The following EEFSEC variants were observed in gnomAD, a reference collection of about 807,000 sequenced individuals.
EEFSEC encodes the protein selenocysteine-specific elongation factor.
Under a neutral mutation model 42.1 loss-of-function variants are expected in EEFSEC, and 43 were observed. The observed-to-expected ratio is 1.02, with a 90% confidence interval of 0.80 to 1.32. The LOEUF (loss-of-function observed/expected upper bound fraction) is 1.32. Ranked by LOEUF, EEFSEC falls within the 40% of genes most tolerant of loss-of-function variation. EEFSEC has a pLI of 0.00. For synonymous variants in EEFSEC, 354 were observed against 339.1 expected (o/e 1.04, Z -0.48); for missense variants, 745 against 803.6 (o/e 0.93, Z 0.88).
intron 4 of EEFSEC, among the ~76,000 whole-genome samples, chr3:128,330,688 G>A (rs1461378813): frequency 6.6e-6 from 1 of 152,026 alleles, no homozygotes; most frequent in Non-Finnish European, 1.5e-5. Context: ...CTGACGCTTG[G>A]GAATCCGAGC....
chr3:128,367,543 G>T, intron 6 of EEFSEC: 1 of 736,672 alleles, frequency 1.4e-6, no homozygotes, highest in Non-Finnish European at 1.7e-6. Flanking sequence ...CTGCTGTGTG[G>T]ACTCCTGTGC....
chr3:128,180,554 C>T (rs1318390303), intron 1 of EEFSEC, among the ~76,000 whole-genome samples: 1 of 152,184 alleles, frequency 6.6e-6, no homozygotes, highest in Non-Finnish European at 1.5e-5. Flanking sequence ...AATGTAAGAC[C>T]TTAAAGAGTT....
intron 1 of EEFSEC, among the ~76,000 whole-genome samples, chr3:128,234,901 C>G (rs1004813919): frequency 1.1e-4 from 16 of 152,310 alleles, no homozygotes; most frequent in Middle Eastern, 3.4e-3. Flanking sequence ...TTATACTTCT[C>G]TTAACATTGT....
At chr3:128,419,617 G>C in the EEFSEC span, among the ~76,000 whole-genome samples, 20 of 152,320 alleles carry the variant, frequency 1.3e-4, no homozygotes, top group African/African-American at 3.8e-4. Flanking sequence ...ATTTTGTTCA[G>C]AGACTGTATC....
chr3:128,316,887 C>G (rs1026655328), intron 4 of EEFSEC, among the ~76,000 whole-genome samples: 2 of 152,164 alleles, frequency 1.3e-5, no homozygotes, highest in Non-Finnish European at 2.9e-5. Flanking sequence ...TAATCCCAGC[C>G]CCGACCTTCC....
rs953793427 is a variant in EEFSEC, at chr3:128,154,720, A to G, written c.316+897A>G. 6.6e-5 allele frequency among the ~76,000 whole-genome samples: 10 copies of G among 152,300 alleles called. 1 individual carries two copies. The highest frequency in any genetic ancestry group is 5.9e-4 in the Admixed American group (9 of 15,304). On this transcript the variant is annotated intron_variant, in intron 1 of 6. Transcript: ENST00000254730. ...CGCCCTGGCCTCCCAAAGTCCTGGGATTACAGGCGTGAGCCACCACGTCCG... is the reference window on the plus strand; with the variant it reads ...CGCCCTGGCCTCCCAAAGTCCTGGGGTTACAGGCGTGAGCCACCACGTCCG...
intron 1 of EEFSEC, among the ~76,000 whole-genome samples, chr3:128,201,564 A>C (rs1193721368): frequency 1.3e-5 from 2 of 152,194 alleles, no homozygotes; most frequent in Non-Finnish European, 2.9e-5. Context: ...TAGATTTTAA[A>C]AAATTATTTT....
At chr3:128,261,891 C>A (rs529322610) in intron 2 of EEFSEC, among the ~76,000 whole-genome samples, 22 of 152,076 alleles carry the variant, frequency 1.4e-4, no homozygotes, top group Non-Finnish European at 2.9e-4. Context: ...TCTAAGAGAG[C>A]CCTTTAAAAT....
chr3:128,320,667 AC>A (rs1168821653), intron 4 of EEFSEC, among the ~76,000 whole-genome samples: 2 of 152,236 alleles, frequency 1.3e-5, no homozygotes, highest in Admixed American at 1.3e-4. Context: ...CTGGCAGCGT[AC>A]CAGGCCCCCT....
the EEFSEC span, among the ~76,000 whole-genome samples, chr3:128,426,080 G>A: frequency 6.6e-6 from 1 of 152,184 alleles, no homozygotes; most frequent in Non-Finnish European, 1.5e-5. Context: ...ACGCAGGAGG[G>A]GCTACTGTCG....
chr3:128,387,472 T>A (rs2067854773), intron 6 of EEFSEC, among the ~76,000 whole-genome samples: 1 of 151,828 alleles, frequency 6.6e-6, no homozygotes, highest in Non-Finnish European at 1.5e-5. Context: ...ATCTGGGAAG[T>A]CTGGGGGGCG....
chr3:128,377,416 G>A (rs2067722725), intron 6 of EEFSEC, among the ~76,000 whole-genome samples: 1 of 152,196 alleles, frequency 6.6e-6, no homozygotes, highest in Admixed American at 6.5e-5. Context: ...AGGCCTCGCT[G>A]AGTCTTAGTT....
At chr3:128,383,711 C>G (rs891222271) in intron 6 of EEFSEC, among the ~76,000 whole-genome samples, 2 of 152,240 alleles carry the variant, frequency 1.3e-5, no homozygotes, top group African/African-American at 4.8e-5. Context: ...TCGTGCCAGG[C>G]CCTGAGTCAG....
In EEFSEC at chr3:128,177,551, C is replaced by T. The variant is rs1034754492; in HGVS notation, c.316+23728C>T. ...TTTTAAAAAGGTCTTGCTGACTTTT[C>T]GTTTCCCCAGATTTGTAGGTCTCTG... is the stretch of plus-strand genomic sequence containing the variant. On this transcript the variant is annotated intron_variant, in intron 1 of 6. Transcript: ENST00000254730. Among the ~76,000 whole-genome samples the T allele has an allele frequency of 5.9e-5, 9 of 152,094 alleles. No homozygotes were observed. The East Asian group carries it at 1.5e-3, about 26-fold the overall frequency.
chr3:128,387,941 G>C (rs182923564), intron 6 of EEFSEC, among the ~76,000 whole-genome samples: 219 of 152,334 alleles, frequency 1.4e-3, no homozygotes, highest in Non-Finnish European at 2.4e-3. Context: ...GCAGGCACTG[G>C]ATGGCTATTT....
chr3:128,284,424 G>A (rs971241440), intron 4 of EEFSEC, among the ~76,000 whole-genome samples: 2 of 151,894 alleles, frequency 1.3e-5, no homozygotes, highest in Non-Finnish European at 2.9e-5. Flanking sequence ...AAGCTGGAGG[G>A]CCTTGGGGGC....
chr3:128,369,808 C>T lies in EEFSEC; in HGVS notation c.1600+11435C>T, dbSNP rs560075169. On this transcript the variant is annotated intron_variant, in intron 6 of 6. Transcript: ENST00000254730. ...GCTCCCTTGGCTTCAACAATTGCTC[C>T]GTGTTGTCTTGTCTGCTTTGTTTGT... Among the ~76,000 whole-genome samples the T allele has an allele frequency of 5.3e-5, 8 of 152,280 alleles. No individual in the cohort carries two copies. The East Asian group carries it at 1.2e-3, about 22-fold the overall frequency.
intron 1 of EEFSEC, among the ~76,000 whole-genome samples, chr3:128,238,594 A>C (rs1362093820): frequency 6.6e-6 from 1 of 151,934 alleles, no homozygotes; most frequent in African/African-American, 2.4e-5. Flanking sequence ...TGCAGCCTCC[A>C]CCTCCTGGGT....
intron 1 of EEFSEC, among the ~76,000 whole-genome samples, chr3:128,167,617 G>A (rs2065254118): frequency 6.6e-6 from 1 of 152,172 alleles, no homozygotes; most frequent in South Asian, 2.1e-4. Context: ...GGTTAATTTC[G>A]TGGCCCACAG....
Sources: gnomAD v4.1 joint callset for allele counts (sites outside exome capture counted in the v4.1 genomes callset) on GRCh38, gnomAD v4.1.1 for gene constraint, MANE v1.5 for transcripts, NCBI Gene and HGNC (gene_info 2026-07-23, HGNC 2026-07-21) for gene names.